The following SMYD3 variants were observed in gnomAD, a reference collection of about 807,000 sequenced individuals.
SMYD3 encodes histone-lysine N-methyltransferase SMYD3.
In SMYD3, 36 loss-of-function variants were observed where a neutral mutation model predicts 57.7. The observed-to-expected ratio is 0.62, with a 90% CI of 0.48 to 0.82. SMYD3 has a LOEUF of 0.82. SMYD3 is among the 40% of genes least tolerant of loss of function. The pLI is 0.00. For synonymous variants in SMYD3, 211 were observed against 195.0 expected, an observed-to-expected ratio of 1.08 and a Z score of -0.68; for missense variants, 515 against 538.8, an observed-to-expected ratio of 0.96 and a Z score of 0.44.
intron 5 of SMYD3, among the ~76,000 whole-genome samples, chr1:246,102,616 C>T (rs1024661405): frequency 2.0e-5 from 3 of 151,882 alleles, no homozygotes; most frequent in African/African-American, 7.3e-5. Flanking sequence ...CATCTCCTAA[C>T]AGTATTCTAG....
intron 5 of SMYD3, among the ~76,000 whole-genome samples, chr1:246,220,407 C>T (rs181184513): frequency 1.1e-4 from 17 of 151,978 alleles, no homozygotes; most frequent in African/African-American, 2.9e-4. Context: ...TCCTGCTCCA[C>T]GAAGCAGGTG....
chr1:246,267,510 C>A (rs375104930), intron 5 of SMYD3, among the ~76,000 whole-genome samples: 4 of 152,204 alleles, frequency 2.6e-5, no homozygotes, highest in African/African-American at 7.2e-5. Flanking sequence ...ACTTACTCCT[C>A]GTCCTCAAAT....
intron 5 of SMYD3, among the ~76,000 whole-genome samples, chr1:245,983,806 C>A: frequency 1.3e-5 from 2 of 152,236 alleles, no homozygotes; most frequent in East Asian, 3.9e-4. Flanking sequence ...GGAATCGTTT[C>A]GGTTTCAAGG....
At chr1:246,216,674 G>C (rs2063169544) in intron 5 of SMYD3, among the ~76,000 whole-genome samples, 1 of 151,586 alleles carries the variant, frequency 6.6e-6, no homozygotes, top group Non-Finnish European at 1.5e-5. Flanking sequence ...AAAAAATGAA[G>C]AAAAATAAAG....
intron 5 of SMYD3, among the ~76,000 whole-genome samples, chr1:246,270,829 T>C (rs572185840): frequency 1.3e-5 from 2 of 152,320 alleles, no homozygotes; most frequent in South Asian, 4.1e-4. Context: ...TTTGGGTACA[T>C]ACACATAAAT....
At chr1:245,891,797 G>C (rs9287197) in intron 8 of SMYD3, among the ~76,000 whole-genome samples, 151,961 of 152,352 alleles carry the variant, frequency 1, 75,790 homozygotes, top group Middle Eastern at 1. Flanking sequence ...AATCCCAACA[G>C]TTTGGGAGGC....
At chr1:246,093,719 A>C (rs2060862095) in intron 5 of SMYD3, among the ~76,000 whole-genome samples, 1 of 152,212 alleles carries the variant, frequency 6.6e-6, no homozygotes, top group Non-Finnish European at 1.5e-5. Context: ...TAAGTTCCTA[A>C]AACTTGATAA....
intron 11 of SMYD3, among the ~76,000 whole-genome samples, chr1:245,752,099 G>T (rs934096917): frequency 2.0e-5 from 3 of 152,250 alleles, no homozygotes. Flanking sequence ...GAAAGAGAAG[G>T]TTTCTCAGAT....
At chr1:245,954,065 G>T (rs538196393) in intron 5 of SMYD3, among the ~76,000 whole-genome samples, 282 of 152,308 alleles carry the variant, frequency 1.9e-3, no homozygotes, top group African/African-American at 6.6e-3. Context: ...AACACGAAGT[G>T]TATCAGGTAC....
At chr1:246,143,526 GC>G (rs2061795753) in intron 5 of SMYD3, among the ~76,000 whole-genome samples, 2 of 152,070 alleles carry the variant, frequency 1.3e-5, no homozygotes, top group East Asian at 3.9e-4. Context: ...AAATCAGCCG[GC>G]TATAGAGGCA....
intron 5 of SMYD3, among the ~76,000 whole-genome samples, chr1:246,008,290 G>GC (rs57603428): frequency 0.057 from 8,714 of 152,318 alleles, 349 homozygotes; most frequent in African/African-American, 0.099. Flanking sequence ...GACGCACAGA[G>GC]CGGTGTTGGA....
intron 1 of SMYD3, among the ~76,000 whole-genome samples, chr1:246,446,793 G>A (rs1341711871): frequency 6.6e-6 from 1 of 152,122 alleles, no homozygotes; most frequent in Non-Finnish European, 1.5e-5. Flanking sequence ...ACTTTGGGAG[G>A]CTGAGGTGGG....
chr1:246,023,831 G>GTGTC (rs1482622366), intron 5 of SMYD3, among the ~76,000 whole-genome samples: 2 of 151,798 alleles, frequency 1.3e-5, no homozygotes, highest in African/African-American at 4.8e-5. Flanking sequence ...GTGTGTGTGT[G>GTGTC]TGTGTGTGTG....
At chr1:245,853,957 T>C (rs143700317) in intron 10 of SMYD3, among the ~76,000 whole-genome samples, 1 of 152,310 alleles carries the variant, frequency 6.6e-6, no homozygotes, top group Non-Finnish European at 1.5e-5. Flanking sequence ...GGAGATTTCA[T>C]AGCCCACCTC....
chr1:246,227,534 G>A (rs775854792), intron 5 of SMYD3, among the ~76,000 whole-genome samples: 1 of 152,150 alleles, frequency 6.6e-6, no homozygotes, highest in Non-Finnish European at 1.5e-5. Context: ...AGAATCACTT[G>A]AACGTGGGAG....
intron 5 of SMYD3, among the ~76,000 whole-genome samples, chr1:246,107,119 C>G (rs1391583638): frequency 8.2e-6 from 1 of 122,640 alleles, no homozygotes; most frequent in African/African-American, 3.4e-5. Context: ...AACCCCGTCT[C>G]TACTAAAAAT....
chr1:246,209,740 C>G (rs2063058788), intron 5 of SMYD3, among the ~76,000 whole-genome samples: 1 of 152,158 alleles, frequency 6.6e-6, no homozygotes, highest in Non-Finnish European at 1.5e-5. Context: ...ATTTCTTGCT[C>G]TTGCATGAGT....
chr1:246,280,501 G>A (rs1482185588), intron 5 of SMYD3, among the ~76,000 whole-genome samples: 3 of 152,142 alleles, frequency 2.0e-5, no homozygotes, highest in Admixed American at 2.0e-4. Context: ...GAGAAGCTGG[G>A]CACAGTAGCT....
At chr1:246,099,415 C>A (rs76485469) in intron 5 of SMYD3, among the ~76,000 whole-genome samples, 4,943 of 152,166 alleles carry the variant, frequency 0.032, 284 homozygotes, top group African/African-American at 0.11. Context: ...CAATGACTGA[C>A]ACTGAGTCCT....
Sources: gnomAD v4.1 joint callset for allele counts (sites outside exome capture counted in the v4.1 genomes callset) on GRCh38, gnomAD v4.1.1 for gene constraint, MANE v1.5 for transcripts, NCBI Gene and HGNC (gene_info 2026-07-23, HGNC 2026-07-21) for gene names.